Variants in DGKZ observed in about 807,000 individuals in gnomAD.
DGKZ encodes DAG kinase zeta.
DGKZ carries 45 observed loss-of-function variants against 142.5 expected under a neutral mutation model. The ratio of observed to expected loss-of-function variants is 0.32; its 90% CI spans 0.25 to 0.40. DGKZ has a LOEUF of 0.40. Among genes scored for constraint, DGKZ ranks in the 10% least tolerant of loss-of-function variants. DGKZ has a pLI of 1.00. For missense variants in DGKZ, 755 were observed against 1,306.5 expected (o/e 0.58, Z 6.51); for synonymous variants, 442 against 527.0 (o/e 0.84, Z 2.21).
At chr11:46,333,917 G>A (rs995372605) in intron 1 of DGKZ, among the ~76,000 whole-genome samples, 1 of 152,124 alleles carries the variant, frequency 6.6e-6, no homozygotes, top group Non-Finnish European at 1.5e-5. Flanking sequence ...TGACTGAGAG[G>A]CTCCCTGCCA....
intron 1 of DGKZ, among the ~76,000 whole-genome samples, chr11:46,341,755 G>T (rs1271437109): frequency 6.6e-6 from 1 of 152,178 alleles, no homozygotes. Context: ...CAACCTAGGA[G>T]TGCAACATAG....
intron 22 of DGKZ, 31 bp from the exon 23 acceptor site, chr11:46,376,297 A>G (rs764372375): frequency 1.2e-6 from 2 of 1,613,286 alleles, no homozygotes; most frequent in Admixed American, 1.7e-5. Flanking sequence ...CCCCCACTCT[A>G]TCCCAGCCTG....
chr11:46,376,118 C>T (rs1489177171), exon 22 of DGKZ: 2 of 1,611,414 alleles, frequency 1.2e-6, no homozygotes, highest in Non-Finnish European at 1.7e-6. Context: ...TAGAGCTCTG[C>T]CGTGCCCACA....
intron 29 of DGKZ, 93 bp from the exon 30 acceptor site, chr11:46,379,376 C>G: frequency 6.4e-7 from 1 of 1,566,584 alleles, no homozygotes; most frequent in Non-Finnish European, 8.7e-7. Context: ...GCCCCAGAGC[C>G]CTGAACTTCC....
At chr11:46,373,202 T>C in intron 14 of DGKZ, 101 bp downstream of exon 14, 2 of 1,328,672 alleles carry the variant, frequency 1.5e-6, no homozygotes, top group Non-Finnish European at 2.0e-6. Context: ...TCTCTTCATT[T>C]CTCCAACTTC....
chr11:46,348,057 T>C (rs1565001841), intron 1 of DGKZ, among the ~76,000 whole-genome samples: 1 of 151,950 alleles, frequency 6.6e-6, no homozygotes, highest in Non-Finnish European at 1.5e-5. Context: ...GTGGGGGTCA[T>C]TCCCTGGCAC....
At chr11:46,349,611 G>A (rs191707829) in intron 1 of DGKZ, among the ~76,000 whole-genome samples, 82 of 152,208 alleles carry the variant, frequency 5.4e-4, no homozygotes, top group Admixed American at 4.1e-3. Flanking sequence ...GCATTGCCCA[G>A]CCTGGTCTTG....
intron 1 of DGKZ, among the ~76,000 whole-genome samples, chr11:46,359,617 A>G (rs901067130): frequency 6.6e-6 from 1 of 151,368 alleles, no homozygotes; most frequent in African/African-American, 2.4e-5. Context: ...TTATTTATTT[A>G]TTTTGAGATG....
At position 46,366,813 on chromosome 11, in the gene DGKZ, G is replaced by A. The variant is rs1291832697; in HGVS notation, c.162-478G>A. ...TGGGGCCTGCACGGCTACTATCGGC[G>A]CCTCAGCCAGCGGCGGCCCTCAGGC... On this transcript the variant is annotated intron_variant, in intron 1 of 30. Transcript: ENST00000527911. 4.5e-6 allele frequency: 7 copies of A among 1,545,712 alleles called. No homozygotes were observed. The East Asian group carries it at 9.7e-5, about 21-fold the overall frequency.
chr11:46,378,001 GAAT>G, intron 25 of DGKZ, 194 bp from the exon 26 acceptor site: 1 of 650,852 alleles, frequency 1.5e-6, no homozygotes, highest in Non-Finnish European at 2.7e-6. Flanking sequence ...CCCTGAACTA[GAAT>G]GTAAGCTCCA....
intron 1 of DGKZ, among the ~76,000 whole-genome samples, chr11:46,359,457 A>G (rs1463411622): frequency 6.6e-6 from 1 of 152,158 alleles, no homozygotes. Flanking sequence ...AAAATAAAAT[A>G]AAATAAAATG....
intron 1 of DGKZ, chr11:46,366,197 C>A: frequency 1.3e-6 from 2 of 1,498,068 alleles, no homozygotes; most frequent in South Asian, 2.7e-5. Flanking sequence ...CAGGACAGAC[C>A]GTGGCCTGAT....
chr11:46,342,626 G>T (rs1940332644), upstream of DGKZ, among the ~76,000 whole-genome samples: 2 of 34,572 alleles, frequency 5.8e-5, no homozygotes, highest in Admixed American at 7.6e-4. Context: ...CAGAGATAAT[G>T]GGTTGGAGAG....
intron 22 of DGKZ, 76 bp from the exon 23 acceptor site, chr11:46,376,252 G>A: frequency 6.2e-7 from 1 of 1,607,516 alleles, no homozygotes; most frequent in South Asian, 1.1e-5. Flanking sequence ...CCTCTGTGCT[G>A]GTTCCCCCTA....
intron 1 of DGKZ, chr11:46,366,831 C>T (rs1217989573): frequency 1.9e-6 from 3 of 1,545,984 alleles, no homozygotes; most frequent in Non-Finnish European, 2.6e-6. Context: ...CAGCGGCGGC[C>T]CTCAGGCCAG....
rs1039336975 is a variant in DGKZ, at chr11:46,374,266, G to A, written c.1405+31G>A. 3.1e-6 allele frequency: 5 copies of A among 1,613,412 alleles called. No individual in the cohort carries two copies. In the African/African-American group the frequency reaches 6.7e-5, roughly 22 times the overall value. On this transcript the variant is annotated intron_variant, in intron 15 of 30. Coordinates refer to ENST00000527911, the Ensembl canonical transcript of DGKZ. The stretch of plus-strand genomic sequence containing the variant: ...CAGCCTCCCACTGAGGCCAGGGCAG[G>A]GTGGGCACAGGAGTGTCCCCGGGAG...
At chr11:46,375,553 G>A (rs1944432655) in exon 20 of DGKZ, 14 of 1,591,542 alleles carry the variant, frequency 8.8e-6, no homozygotes, top group Admixed American at 1.7e-5. Flanking sequence ...GCAGCCTCAC[G>A]CATCCGCATC....
intron 15 of DGKZ, 74 bp downstream of exon 15, chr11:46,374,309 G>A (rs778260454): frequency 2.6e-5 from 42 of 1,611,806 alleles, no homozygotes; most frequent in African/African-American, 6.7e-5. Flanking sequence ...CCCTGCTCCC[G>A]CCAGTGAAGG....
intron 1 of DGKZ, among the ~76,000 whole-genome samples, chr11:46,359,770 ATTTTTTTT>A (rs779825781): frequency 3.1e-5 from 4 of 129,016 alleles, no homozygotes; most frequent in Admixed American, 7.8e-5. Context: ...TGCCCGGCTA[ATTTTTTTT>A]TTTTTTTTTT....
Sources: allele counts gnomAD v4.1 joint callset (sites outside exome capture counted in the v4.1 genomes callset), GRCh38; gene constraint gnomAD v4.1.1; transcripts MANE v1.5; gene names NCBI Gene and HGNC (gene_info 2026-07-23, HGNC 2026-07-21).